TTLL9: variants seen among roughly 807,000 people sequenced by gnomAD.
TTLL9 encodes probable tubulin polyglutamylase TTLL9.
A neutral mutation model predicts 65.6 loss-of-function variants in TTLL9; 47 were observed. The ratio of observed to expected loss-of-function variants is 0.72; its 90% CI spans 0.57 to 0.91. The LOEUF (loss-of-function observed/expected upper bound fraction) is 0.91, where lower values mean the gene tolerates loss of function less well. Ranked by LOEUF, TTLL9 falls within the 40% of genes least tolerant of loss-of-function variation. The pLI is 0.00. For missense variants in TTLL9, 537 were observed against 568.8 expected (o/e 0.94, Z 0.57); for synonymous variants, 179 against 204.8 (o/e 0.87, Z 1.07).
chr20:31,883,057 C>T (rs1057004554), intron 2 of TTLL9, among the ~76,000 whole-genome samples: 1 of 152,166 alleles, frequency 6.6e-6, no homozygotes, highest in Non-Finnish European at 1.5e-5. Context: ...GAACTGAGAC[C>T]TCACCATAAA....
intron 3 of TTLL9, among the ~76,000 whole-genome samples, chr20:31,888,010 G>A (rs767992297): frequency 1.1e-4 from 16 of 151,640 alleles, no homozygotes; most frequent in African/African-American, 2.4e-4. Context: ...TCAGCCTCCC[G>A]AGTAGCTGAG....
chr20:31,919,733 C>T, intron 6 of TTLL9, 131 bp from the exon 7 acceptor site: 1 of 653,404 alleles, frequency 1.5e-6, no homozygotes, highest in Non-Finnish European at 2.4e-6. Context: ...TTCAGCTAGC[C>T]TTCCTCTGGG....
intron 2 of TTLL9, among the ~76,000 whole-genome samples, chr20:31,878,460 G>A (rs1246586423): frequency 6.6e-6 from 1 of 152,190 alleles, no homozygotes; most frequent in Non-Finnish European, 1.5e-5. Flanking sequence ...GTATTCATTT[G>A]GCCAATTCCA....
chr20:31,942,923 C>A (rs377341064), intron 14 of TTLL9, 22 bp from the exon 15 acceptor site: 1 of 1,613,768 alleles, frequency 6.2e-7, no homozygotes. Flanking sequence ...TCATCCCAGC[C>A]AACACCCCAC....
intron 2 of TTLL9, chr20:31,879,939 A>C (rs1468882756): frequency 7.3e-7 from 1 of 1,378,440 alleles, no homozygotes; most frequent in South Asian, 1.2e-5. Context: ...CGTCCCTAGA[A>C]AAAGGGAGGA....
At chr20:31,890,268 A>G (rs992787702) in intron 3 of TTLL9, among the ~76,000 whole-genome samples, 27 of 149,392 alleles carry the variant, frequency 1.8e-4, no homozygotes, top group Admixed American at 5.5e-4. Context: ...TTATGTTTCT[A>G]TCTTATTGAC....
chr20:31,924,982 C>A, intron 8 of TTLL9, 27 bp from the exon 9 acceptor site: 1 of 1,613,662 alleles, frequency 6.2e-7, no homozygotes. Context: ...ATTTGTTGCA[C>A]AAATTAATTT....
At chr20:31,897,320 T>TA (rs1191907744) in intron 3 of TTLL9, among the ~76,000 whole-genome samples, 1 of 151,426 alleles carries the variant, frequency 6.6e-6, no homozygotes, top group Non-Finnish European at 1.5e-5. Context: ...GTAGAGCTGT[T>TA]AGTAGCATTT....
chr20:31,929,855 G>A (rs1337668672), intron 10 of TTLL9, among the ~76,000 whole-genome samples: 1 of 152,170 alleles, frequency 6.6e-6, no homozygotes, highest in East Asian at 1.9e-4. Context: ...CTCACTGGGT[G>A]TGGTGGCTCA....
chr20:31,890,642 G>C (rs115563487), intron 3 of TTLL9, among the ~76,000 whole-genome samples: 1 of 152,310 alleles, frequency 6.6e-6, no homozygotes, highest in East Asian at 1.9e-4. Context: ...ACCAGTAAAA[G>C]GTGCATCATC....
chr20:31,926,023 C>A, intron 9 of TTLL9, 26 bp from the exon 10 acceptor site: 1 of 1,613,630 alleles, frequency 6.2e-7, no homozygotes, highest in East Asian at 2.2e-5. Context: ...TCTGGCCAGT[C>A]CCAAGTGAAC....
At chr20:31,912,394 T>C (rs2063668495) in intron 6 of TTLL9, among the ~76,000 whole-genome samples, 1 of 152,062 alleles carries the variant, frequency 6.6e-6, no homozygotes, top group Admixed American at 6.6e-5. Flanking sequence ...ACACTTTGAG[T>C]ATCGAGATTG....
rs150557367 is a variant in TTLL9 at position 31,907,646 on chromosome 20, G to A, written c.207-945G>A. ...TGAGGAAGGAAAATCGCTTGAACCC[G>A]GGAGGAGGAGGTTGCAGTGAACTGA... On this transcript the variant is annotated intron_variant, in intron 4 of 14. Transcript: ENST00000535842. Among the ~76,000 whole-genome samples the A allele has an allele frequency of 5.4e-4, 82 of 152,076 alleles. No homozygotes were observed. The Middle Eastern group carries it at 0.02, about 38-fold the overall frequency.
At chr20:31,889,362 G>A (rs890967028) in intron 3 of TTLL9, among the ~76,000 whole-genome samples, 1 of 152,088 alleles carries the variant, frequency 6.6e-6, no homozygotes, top group Middle Eastern at 3.4e-3. Flanking sequence ...CCAGGCTCAT[G>A]CAATCCTCCC....
intron 2 of TTLL9, among the ~76,000 whole-genome samples, chr20:31,875,621 C>T (rs2063027726): frequency 6.6e-6 from 1 of 152,122 alleles, no homozygotes; most frequent in Admixed American, 6.5e-5. Flanking sequence ...TTACTGACTC[C>T]TATTAGACTT....
chr20:31,924,910 C>G (rs116092580), intron 8 of TTLL9, 99 bp from the exon 9 acceptor site: 1 of 1,314,210 alleles, frequency 7.6e-7, no homozygotes, highest in Non-Finnish European at 1.1e-6. Context: ...TTCATGAAGG[C>G]GGGGTTTCCT....
intron 2 of TTLL9, among the ~76,000 whole-genome samples, chr20:31,880,819 A>G (rs905068926): frequency 7.0e-6 from 1 of 143,626 alleles, no homozygotes; most frequent in Admixed American, 6.9e-5. Context: ...GCTCTCATTC[A>G]TGAATGGCAC....
At chr20:31,884,620 C>T (rs554782827) in intron 2 of TTLL9, among the ~76,000 whole-genome samples, 2 of 152,276 alleles carry the variant, frequency 1.3e-5, no homozygotes, top group South Asian at 4.1e-4. Context: ...TCTGGAGGCT[C>T]TAGGAGAGAA....
chr20:31,910,739 A>C (rs2063634488), intron 6 of TTLL9, among the ~76,000 whole-genome samples: 1 of 152,200 alleles, frequency 6.6e-6, no homozygotes, highest in Non-Finnish European at 1.5e-5. Flanking sequence ...TGTTATAATA[A>C]TCAGAATTAG....
Sources: gnomAD v4.1 joint callset for allele counts (sites outside exome capture counted in the v4.1 genomes callset) on GRCh38, gnomAD v4.1.1 for gene constraint, MANE v1.5 for transcripts, NCBI Gene and HGNC (gene_info 2026-07-23, HGNC 2026-07-21) for gene names.